Variants in XPR1 observed in about 807,000 individuals in gnomAD.
XPR1 encodes the protein xenotropic and polytropic retrovirus receptor 1.
XPR1 carries 28 observed loss-of-function variants against 87.5 expected under a neutral mutation model. The observed-to-expected ratio is 0.32, with a 90% CI of 0.24 to 0.44. XPR1 has a LOEUF of 0.44. Among genes scored for constraint, XPR1 ranks in the 20% least tolerant of loss-of-function variants. The probability of loss-of-function intolerance (pLI) is 1.00; values close to 1 mark genes in which losing one functional copy is unlikely to be tolerated. For synonymous variants in XPR1, 300 were observed against 306.1 expected, an observed-to-expected ratio of 0.98 and a Z score of 0.21; for missense variants, 559 against 862.3, an observed-to-expected ratio of 0.65 and a Z score of 4.41.
At chr1:180,642,878 G>A (rs1655002664) in intron 1 of XPR1, among the ~76,000 whole-genome samples, 1 of 152,048 alleles carries the variant, frequency 6.6e-6, no homozygotes, top group Non-Finnish European at 1.5e-5. Context: ...TGAGTATGAT[G>A]TTAACACATA....
intron 1 of XPR1, among the ~76,000 whole-genome samples, chr1:180,680,020 C>T (rs1656510702): frequency 6.6e-6 from 1 of 152,050 alleles, no homozygotes; most frequent in Non-Finnish European, 1.5e-5. Context: ...ATACAAGGAA[C>T]TCAAACATCT....
intron 2 of XPR1, among the ~76,000 whole-genome samples, chr1:180,729,264 C>T (rs1658472848): frequency 6.6e-6 from 1 of 152,082 alleles, no homozygotes; most frequent in African/African-American, 2.4e-5. Context: ...TAGGTTGATT[C>T]CCTGTCTTCG....
At chr1:180,668,559 T>C (rs1280736725) in intron 1 of XPR1, among the ~76,000 whole-genome samples, 2 of 152,230 alleles carry the variant, frequency 1.3e-5, no homozygotes, top group Non-Finnish European at 2.9e-5. Flanking sequence ...AATTTGCCCC[T>C]AACACTGCTT....
At chr1:180,791,977 A>ATGTCC (rs1649407204) in intron 3 of XPR1, among the ~76,000 whole-genome samples, 1 of 152,342 alleles carries the variant, frequency 6.6e-6, no homozygotes, top group East Asian at 1.9e-4. Flanking sequence ...ACGTCTCTTG[A>ATGTCC]TGTCCTCACT....
chr1:180,673,861 G>A (rs1471495891), intron 1 of XPR1, among the ~76,000 whole-genome samples: 1 of 152,158 alleles, frequency 6.6e-6, no homozygotes, highest in African/African-American at 2.4e-5. Flanking sequence ...AGATTGCAGT[G>A]CCCATGTGTA....
intron 3 of XPR1, among the ~76,000 whole-genome samples, chr1:180,793,538 G>T (rs1292892890): frequency 2.6e-5 from 4 of 151,988 alleles, no homozygotes; most frequent in Non-Finnish European, 5.9e-5. Flanking sequence ...AATGAGAGTG[G>T]TCATAGGTTG....
chr1:180,853,666 C>T (rs1558039424), intron 11 of XPR1, among the ~76,000 whole-genome samples: 1 of 149,792 alleles, frequency 6.7e-6, no homozygotes, highest in Non-Finnish European at 1.5e-5. Flanking sequence ...CACACACACA[C>T]ACCCTACCTC....
intron 3 of XPR1, among the ~76,000 whole-genome samples, chr1:180,796,422 C>T (rs987587003): frequency 3.9e-5 from 6 of 152,138 alleles, no homozygotes; most frequent in Admixed American, 2.0e-4. Flanking sequence ...CCCCCACCTA[C>T]GGATTCTCAT....
At chr1:180,808,681 A>G (rs918324339) in intron 6 of XPR1, among the ~76,000 whole-genome samples, 5 of 152,228 alleles carry the variant, frequency 3.3e-5, no homozygotes, top group Admixed American at 6.5e-5. Flanking sequence ...GTGGCAAATT[A>G]GCATGTGATA....
At position 180,806,172 on chromosome 1, in the gene XPR1, T is replaced by C. The variant is rs1225777532; in HGVS notation, c.558T>C (p.Tyr186=). 5.6e-6 allele frequency: 9 copies of C among 1,613,468 alleles called. No homozygotes were observed. The highest frequency in any genetic ancestry group is 6.8e-6 in the Non-Finnish European group (8 of 1,179,644). The change falls in exon 5 of 15, where the codon TAT becomes TAC. Residue 186 remains tyrosine, a synonymous_variant. Coordinates refer to ENST00000367590, the MANE Select transcript of XPR1 (RefSeq NM_004736.4). ...RVAHVEVAPF[Y]TCKKINQLIS... is the part of the protein sequence containing the mutation. ...CTCACGTAGAGGTGGCCCCATTTTA[T>C]ACATGCAAGAAAATCAACCAGCTTA...
At chr1:180,749,521 G>A (rs1430512026) in intron 2 of XPR1, among the ~76,000 whole-genome samples, 1 of 151,980 alleles carries the variant, frequency 6.6e-6, no homozygotes, top group Non-Finnish European at 1.5e-5. Flanking sequence ...TGAGCATTTT[G>A]TAAGATTCAC....
At chr1:180,845,793 G>C (rs550435931) in intron 11 of XPR1, among the ~76,000 whole-genome samples, 19 of 152,020 alleles carry the variant, frequency 1.2e-4, no homozygotes, top group Non-Finnish European at 2.4e-4. Context: ...CTTAAATTAA[G>C]AGCAATGTGG....
chr1:180,728,198 G>T (rs545768782), intron 2 of XPR1, among the ~76,000 whole-genome samples: 15 of 150,904 alleles, frequency 9.9e-5, no homozygotes, highest in African/African-American at 2.7e-4. Context: ...TGTTTTAAAA[G>T]ATATGGATGA....
chr1:180,783,104 T>C (rs1649004108), intron 2 of XPR1, among the ~76,000 whole-genome samples: 1 of 152,030 alleles, frequency 6.6e-6, no homozygotes, highest in African/African-American at 2.4e-5. Context: ...AATCATTCTA[T>C]ATACTGGTAT....
At chr1:180,762,704 T>C (rs1316399566) in intron 2 of XPR1, among the ~76,000 whole-genome samples, 1 of 152,200 alleles carries the variant, frequency 6.6e-6, no homozygotes, top group Non-Finnish European at 1.5e-5. Context: ...AGAACAAGTC[T>C]ATAATGCTAA....
chr1:180,801,849 C>T (rs7512811), intron 3 of XPR1, among the ~76,000 whole-genome samples: 3,704 of 150,388 alleles, frequency 0.025, 158 homozygotes, highest in African/African-American at 0.085. Flanking sequence ...GGCACAATCT[C>T]GGCTCACTGC....
intron 6 of XPR1, among the ~76,000 whole-genome samples, chr1:180,809,422 T>G (rs986139263): frequency 2.0e-5 from 3 of 152,202 alleles, no homozygotes; most frequent in Non-Finnish European, 2.9e-5. Context: ...TTATTGTATA[T>G]CAACTTAGTC....
At chr1:180,736,117 T>C (rs1453636527) in intron 2 of XPR1, among the ~76,000 whole-genome samples, 1 of 152,170 alleles carries the variant, frequency 6.6e-6, no homozygotes, top group Non-Finnish European at 1.5e-5. Flanking sequence ...ATGATGGGAA[T>C]GTAACATAAT....
chr1:180,647,095 T>C (rs928568231), intron 1 of XPR1, among the ~76,000 whole-genome samples: 1 of 152,218 alleles, frequency 6.6e-6, no homozygotes, highest in Non-Finnish European at 1.5e-5. Flanking sequence ...TAGATTCTCA[T>C]AAGGAGCAGC....
Sources: allele counts gnomAD v4.1 joint callset (sites outside exome capture counted in the v4.1 genomes callset), GRCh38; gene constraint gnomAD v4.1.1; transcripts MANE v1.5; gene names NCBI Gene and HGNC (gene_info 2026-07-23, HGNC 2026-07-21).